The following AHNAK2 variants were observed in gnomAD, a reference collection of about 807,000 sequenced individuals.
The protein encoded by AHNAK2 is AHNAK nucleoprotein 2, also known as protein AHNAK2.
In AHNAK2, 18 loss-of-function variants were observed where a neutral mutation model predicts 30.7. That is an observed-to-expected ratio of 0.59 (90% CI 0.41 to 0.87). The LOEUF (loss-of-function observed/expected upper bound fraction) is 0.87, where lower values mean the gene tolerates loss of function less well. Ranked by LOEUF, AHNAK2 falls within the 40% of genes least tolerant of loss-of-function variation. AHNAK2 has a pLI of 0.00. For synonymous variants in AHNAK2, 3,590 were observed against 3,073.8 expected (o/e 1.17, Z -5.56); for missense variants, 8,604 against 7,373.0 (o/e 1.17, Z -6.11).
chr14:104,939,697 C>T lies in AHNAK2; in HGVS notation c.15754G>A (p.Glu5252Lys), dbSNP rs200945018. 239 of 1,613,810 alleles carry T rather than the reference C, an allele frequency of 1.5e-4. No homozygotes were observed. The highest frequency in any genetic ancestry group is 1.3e-5 in the African/African-American group (1 of 74,948). ...VEAAMSLQLP[E>K]ADAEVTASES... Reference sequence around the variant, plus strand: ...GAAGCTGTCACTTCTGCATCTGCCTCTGGGAGCTGTAGGGACATAGCTGCC... The same window carrying T: ...GAAGCTGTCACTTCTGCATCTGCCTTTGGGAGCTGTAGGGACATAGCTGCC... The change falls in exon 7 of 7, where the codon GAG becomes AAG. Residue 5252 changes from glutamate (E) to lysine (K), a missense_variant. Glu to Lys is a moderately conservative substitution (Grantham distance 56). Transcript: ENST00000333244.
In AHNAK2 at chr14:104,957,504, G is replaced by A. The variant is rs762599213; in HGVS notation, c.119C>T (p.Thr40Ile). The A allele has an allele frequency of 6.3e-7, 1 of 1,597,014 alleles. No homozygotes were observed. Among genetic ancestry groups the A allele is most frequent in the African/African-American group, 1.3e-5 (1 of 74,626 alleles). Reference protein sequence around the residue: ...GAETEDDHSVTEGPADEGIRP... With the variant: ...GAETEDDHSVIEGPADEGIRP... The stretch of plus-strand genomic sequence containing the variant: ...AATGCCCTCATCCGCAGGCCCTTCA[G>A]TCACCTGACGGGAGAGAATCCAGTT... Residue 40 changes from threonine (T) to isoleucine (I), a missense_variant, in exon 3 of 7, where the codon ACT becomes ATT. Coordinates refer to ENST00000333244, the MANE Select transcript of AHNAK2 (RefSeq NM_138420.4).
intron 1 of AHNAK2, among the ~76,000 whole-genome samples, chr14:104,971,476 C>G (rs1175886205): frequency 6.6e-6 from 1 of 152,124 alleles, no homozygotes; most frequent in African/African-American, 2.4e-5. Flanking sequence ...TCTCAAACTC[C>G]TAGGCTCAAG....
chr14:104,950,873 G>A lies in AHNAK2; in HGVS notation c.4578C>T (p.Asp1526=), dbSNP rs148032399. 3,464 of 1,579,002 alleles carry A rather than the reference G, an allele frequency of 2.2e-3. 314 individuals are homozygous for A. The highest frequency in any genetic ancestry group is 0.013 in the East Asian group (551 of 43,894). The stretch of plus-strand genomic sequence containing the variant: ...CCCCCTGCATGGAGGGGAGGCTCAC[G>A]TCGGCCTCCACCTTCGGCGCAGACA... ...VDVSAPKVEA[D]VSLPSMQGDL... The change falls in exon 7 of 7, where the codon GAC becomes GAT. Residue 1526 remains aspartate, a synonymous_variant. Transcript: ENST00000333244.
Position 104,948,635 on chromosome 14 carries a change from C to A in AHNAK2, c.6816G>T (p.Val2272=). 6.2e-7 allele frequency: 1 copy of A among 1,612,314 alleles called. No individual in the cohort carries two copies. The highest frequency in any genetic ancestry group is 8.5e-7 in the Non-Finnish European group (1 of 1,179,740). The part of the protein sequence containing the change: ...KLDLKDPKVE[V]TAPDVEVSLP... The stretch of plus-strand genomic sequence containing the variant: ...GAGACACCTCCACATCAGGGGCTGT[C>A]ACTTCCACCTTGGGGTCTTTTAGGT... The change falls in exon 7 of 7, where the codon GTG becomes GTT. Residue 2272 remains valine (V), a synonymous_variant. Coordinates refer to ENST00000333244, the MANE Select transcript of AHNAK2 (RefSeq NM_138420.4).
rs371308315 is a variant in AHNAK2, at chr14:104,953,752, C to T, written c.1699G>A (p.Glu567Lys). The T allele has an allele frequency of 7.7e-5, 124 of 1,613,854 alleles. No homozygotes were observed. Among genetic ancestry groups the T allele is most frequent in the Admixed American group, 2.7e-4 (16 of 60,000 alleles). Residue 567 changes from glutamate to lysine, a missense_variant, in exon 7 of 7, where the codon GAG (glutamate) becomes AAG (lysine). Glu to Lys is a moderately conservative substitution (Grantham distance 56). Coordinates refer to ENST00000333244, the MANE Select transcript of AHNAK2 (RefSeq NM_138420.4). ...EEGLQRTRIT[E>K]EQDKGREDTE... is the part of the protein sequence containing the mutation. ...TCTTCCCTGCCCTTGTCCTGTTCCT[C>T]AGTGATCCTTGTCCTCTGTAGTCCT...
chr14:104,939,156 C>A lies in AHNAK2; in HGVS notation c.16295G>T (p.Trp5432Leu). 1 of 1,612,202 alleles carries A rather than the reference C, an allele frequency of 6.2e-7. No homozygotes were observed. ...ACCTGCCTTCAGGATGCTGGCTCCC[C>A]AGAGCCCCGGACTTTCCTTACAAAG... ...TALCKESPGLWGASILKAGAG... is the reference protein window; with the variant it reads ...TALCKESPGLLGASILKAGAG... The change falls in exon 7 of 7, where the codon TGG (tryptophan) becomes TTG (leucine). Residue 5432 changes from tryptophan (W) to leucine (L), a missense_variant. Physicochemically the swap from Trp to Leu is moderately conservative, Grantham distance 61. Transcript: ENST00000333244.
Position 104,948,058 on chromosome 14 carries a change from G to A in AHNAK2, c.7393C>T (p.Leu2465=). The change falls in exon 7 of 7, where the codon CTG becomes TTG. Residue 2465 remains leucine, a synonymous_variant. Transcript: ENST00000333244. Reference sequence around the variant, plus strand: ...TCCGCCACAGACAGGTCCCCCTCCAGCCACGCACCATCCAGCTTGGCTCCC... The same window carrying A: ...TCCGCCACAGACAGGTCCCCCTCCAACCACGCACCATCCAGCTTGGCTCCC... ...APGAKLDGAW[L]EGDLSVADKD... The A allele has an allele frequency of 1.2e-6, 2 of 1,612,876 alleles. No homozygotes were observed. Among genetic ancestry groups the A allele is most frequent in the Non-Finnish European group, 1.7e-6 (2 of 1,179,662 alleles).
rs1211770342 is a variant in AHNAK2, at chr14:104,940,485, A to G, written c.14966T>C (p.Val4989Ala). 1 of 1,613,550 alleles carries G rather than the reference A, an allele frequency of 6.2e-7. No individual in the cohort carries two copies. The highest frequency in any genetic ancestry group is 8.5e-7 in the Non-Finnish European group (1 of 1,179,854). The part of the protein sequence containing the change: ...CSVEDSKLSL[V>A]LDKDEVAPQS... ...CGGGGCCACTTCATCCTTGTCTAAA[A>G]CCAGGCTGAGTTTTGAGTCCTCCAC... Residue 4989 changes from valine (V) to alanine (A), a missense_variant, in exon 7 of 7, where the codon GTT (valine) becomes GCT (alanine). Transcript: ENST00000333244. The surrounding 1 kb of genome is among the most constrained non-coding windows in gnomAD (Gnocchi z 4.4).
rs1342107377 is a variant in AHNAK2, at chr14:104,942,415, G to A, written c.13036C>T (p.Leu4346Phe). Residue 4346 changes from leucine (L) to phenylalanine (F), a missense_variant, in exon 7 of 7, where the codon CTC becomes TTC. By Grantham distance (22) the Leu-to-Phe change is conservative. Transcript: ENST00000333244. ...TCAGCGGAAGGGGGCTGAATGCTGA[G>A]GTGAGTGGTCTTCAGGTCCCCCTGC... ...SMQGDLKTTH[L>F]SIQPPSADLE... 1.2e-6 allele frequency: 2 copies of A among 1,613,118 alleles called. No individual in the cohort carries two copies. Among genetic ancestry groups the A allele is most frequent in the South Asian group, 1.1e-5 (1 of 91,058 alleles).
intron 4 of AHNAK2, among the ~76,000 whole-genome samples, chr14:104,956,077 C>G (rs117728474): frequency 6.6e-6 from 1 of 152,254 alleles, no homozygotes; most frequent in Non-Finnish European, 1.5e-5. Context: ...TTGGGTGCAG[C>G]CTGCGAGACC....
At position 104,957,429 on chromosome 14, in the gene AHNAK2, G is replaced by A. The variant is rs759866279; in HGVS notation, c.194C>T (p.Ala65Val). 1.3e-6 allele frequency: 2 copies of A among 1,589,560 alleles called. No individual in the cohort carries two copies. Among genetic ancestry groups the A allele is most frequent in the Non-Finnish European group, 1.7e-6 (2 of 1,161,720 alleles). The change falls in exon 3 of 7, where the codon GCT (alanine) becomes GTT (valine). Residue 65 changes from alanine to valine, a missense_variant. Coordinates refer to ENST00000333244, the MANE Select transcript of AHNAK2 (RefSeq NM_138420.4). The part of the protein sequence containing the change: ...SSPVYEYTTE[A>V]ADFGLQEDAP... ...GCTCACCTGGAGTCCAAAGTCGGCA[G>A]CCTCAGTCGTGTATTCGTAGACAGG...
chr14:104,938,902 C>T lies in AHNAK2; in HGVS notation c.16549G>A (p.Gly5517Arg), dbSNP rs758449903. The T allele has an allele frequency of 1.7e-5, 27 of 1,613,494 alleles. No homozygotes were observed. The highest frequency in any genetic ancestry group is 6.7e-5 in the African/African-American group (5 of 74,860). Residue 5517 changes from glycine (G) to arginine (R), a missense_variant, in exon 7 of 7, where the codon GGA becomes AGA. Coordinates refer to ENST00000333244, the MANE Select transcript of AHNAK2 (RefSeq NM_138420.4). ...PTSEIQTPSYGFSLLKVKIPE... is the reference protein window; with the variant it reads ...PTSEIQTPSYRFSLLKVKIPE... Reference sequence around the variant, plus strand: ...ATTTTCACTTTTAATAAGGAAAATCCGTACGAAGGTGTTTGAATCTCTGAC... The same window carrying T: ...ATTTTCACTTTTAATAAGGAAAATCTGTACGAAGGTGTTTGAATCTCTGAC...
chr14:104,957,793 G>A (rs1899024667), intron 1 of AHNAK2, 121 bp from the exon 2 acceptor site: 3 of 1,033,086 alleles, frequency 2.9e-6, no homozygotes, highest in Non-Finnish European at 4.3e-6. Flanking sequence ...CTGGACACTG[G>A]ATCGGAGAGC....
At position 104,946,515 on chromosome 14, in the gene AHNAK2, T is replaced by C. The variant is rs757159421; in HGVS notation, c.8936A>G (p.Lys2979Arg). 3.7e-6 allele frequency: 6 copies of C among 1,611,396 alleles called. No individual in the cohort carries two copies. The South Asian group carries it at 5.5e-5, about 15-fold the overall frequency. ...CGACGGCATCTTGAACTTGGGCATT[T>C]TGAACTTGCTGTCTTTGGCAGTCAC... The part of the protein sequence containing the change: ...KDVTAKDSKF[K>R]MPKFKMPSFG... The change falls in exon 7 of 7, where the codon AAA (lysine) becomes AGA (arginine). Residue 2979 changes from lysine to arginine, a missense_variant. Transcript: ENST00000333244.
rs1898906473 is a variant in AHNAK2, at chr14:104,954,430, G to T, written c.1021C>A (p.Gln341Lys). Residue 341 changes from glutamine to lysine, a missense_variant, in exon 7 of 7, where the codon CAG becomes AAG. Coordinates refer to ENST00000333244, the MANE Select transcript of AHNAK2 (RefSeq NM_138420.4). The surrounding 1 kb of genome is among the most constrained non-coding windows in gnomAD (Gnocchi z 4.3). ...GSGQGPSSTG[Q>K]PGRGFQSGVG... ...CCACTCTGGAACCCCCTGCCTGGCT[G>T]TCCTGTCGATGAAGGGCCCTGTCCC... 1 of 1,612,562 alleles carries T rather than the reference G, an allele frequency of 6.2e-7. No individual in the cohort carries two copies. Among genetic ancestry groups the T allele is most frequent in the Admixed American group, 1.7e-5 (1 of 59,942 alleles).
chr14:104,953,487 T>G lies in AHNAK2; in HGVS notation c.1964A>C (p.Lys655Thr). 1.2e-6 allele frequency: 2 copies of G among 1,613,992 alleles called. No homozygotes were observed. The highest frequency in any genetic ancestry group is 1.7e-6 in the Non-Finnish European group (2 of 1,179,888). Residue 655 changes from lysine (K) to threonine (T), a missense_variant, in exon 7 of 7, where the codon AAA (lysine) becomes ACA (threonine). By Grantham distance (78) the Lys-to-Thr change is moderately conservative. Coordinates refer to ENST00000333244, the MANE Select transcript of AHNAK2 (RefSeq NM_138420.4). ...TTKIQLIHDE[K>T]RLKKEQILTE... ...CAGAATTTGTTCCTTTTTTAAGCGT[T>G]TTTCATCGTGTATTAGTTGTATTTT...
In AHNAK2 at chr14:104,942,361, C is replaced by T. The variant is rs1459150179; in HGVS notation, c.13090G>A (p.Val4364Met). 1 of 1,612,146 alleles carries T rather than the reference C, an allele frequency of 6.2e-7. No homozygotes were observed. The highest frequency in any genetic ancestry group is 8.5e-7 in the Non-Finnish European group (1 of 1,179,370). The change falls in exon 7 of 7, where the codon GTG (valine) becomes ATG (methionine). Residue 4364 changes from valine (V) to methionine (M), a missense_variant. By Grantham distance (21) the Val-to-Met change is conservative (BLOSUM62 1). Coordinates refer to ENST00000333244, the MANE Select transcript of AHNAK2 (RefSeq NM_138420.4). ...TGCACAGGGCCCTCTGGGAGTTTCA[C>T]ATCCTCTTGGCCAGCCTGGACCTCC... ...DLEVQAGQED[V>M]KLPEGPVHEG... is the part of the protein sequence containing the mutation.
chr14:104,950,450 T>G lies in AHNAK2; in HGVS notation c.5001A>C (p.Ser1667=), dbSNP rs139096337. ...KFKMPKFKMP[S]FGVSAPGKSI... ...ACTTGCCTGGGGCCGACACCCCAAATGATGGCATCTTGAACTTGGGCATTT... is the reference window on the plus strand; with the variant it reads ...ACTTGCCTGGGGCCGACACCCCAAAGGATGGCATCTTGAACTTGGGCATTT... Residue 1667 remains serine (S), a synonymous_variant, in exon 7 of 7, where the codon TCA becomes TCC. Transcript: ENST00000333244. 2.6e-4 allele frequency: 413 copies of G among 1,577,536 alleles called. 45 individuals are homozygous for G. The African/African-American group carries it at 4.1e-3, about 16-fold the overall frequency.
chr14:104,946,227 T>A lies in AHNAK2; in HGVS notation c.9224A>T (p.Asp3075Val), dbSNP rs2140837846. Residue 3075 changes from aspartate (D) to valine (V), a missense_variant, in exon 7 of 7, where the codon GAT becomes GTT. Asp to Val is a radical substitution (Grantham distance 152). Coordinates refer to ENST00000333244, the MANE Select transcript of AHNAK2 (RefSeq NM_138420.4). ...GACATCTATCTGGGGTCCCTTGCGA[T>A]CTACTTTGGGCATCTTGAAACTGGG... is the stretch of plus-strand genomic sequence containing the variant. ...QMPSFKMPKV[D>V]RKGPQIDVKG... The A allele has an allele frequency of 6.2e-7, 1 of 1,603,718 alleles. No homozygotes were observed. Among genetic ancestry groups the A allele is most frequent in the East Asian group, 2.3e-5 (1 of 44,434 alleles).
Sources: gnomAD v4.1 joint callset for allele counts (sites outside exome capture counted in the v4.1 genomes callset) on GRCh38, gnomAD v4.1.1 for gene constraint, Gnocchi (gnomAD v3.1) non-coding constraint, MANE v1.5 for transcripts, NCBI Gene and HGNC (gene_info 2026-07-23, HGNC 2026-07-21) for gene names.